The following NLRP5 variants were observed in gnomAD, a reference collection of about 807,000 sequenced individuals.
NLRP5 encodes the protein NLR family pyrin domain containing 5, also known as NACHT, LRR and PYD domains-containing protein 5.
A neutral mutation model predicts 113.1 loss-of-function variants in NLRP5; 93 were observed. The ratio of observed to expected loss-of-function variants is 0.82; its 90% CI spans 0.70 to 0.98. NLRP5 has a LOEUF of 0.98. Among genes scored for constraint, NLRP5 ranks in the 50% least tolerant of loss-of-function variants. NLRP5 has a pLI of 0.00. For synonymous variants in NLRP5, 751 were observed against 600.7 expected, an observed-to-expected ratio of 1.25 and a Z score of -3.66; for missense variants, 1,808 against 1,514.3, an observed-to-expected ratio of 1.19 and a Z score of -3.22.
At position 56,060,196 on chromosome 19, in the gene NLRP5, T is replaced by C. The variant is rs538261905; in HGVS notation, c.3471-1200T>C. On this transcript the variant is annotated intron_variant, in intron 14 of 14. Coordinates refer to ENST00000390649, the MANE Select transcript of NLRP5 (RefSeq NM_153447.4). ...TGACTATGGGACTTAGTAGTTGAAG[T>C]AGGATAGAAGTCAGACCTGGATTTA... is the stretch of plus-strand genomic sequence containing the variant. Among the ~76,000 whole-genome samples, 7 of 152,328 alleles carry C rather than the reference T, an allele frequency of 4.6e-5. No individual in the cohort carries two copies. The South Asian group carries it at 1.4e-3, about 32-fold the overall frequency.
At chr19:55,995,481 C>T (rs764028536), upstream of NLRP5, among the ~76,000 whole-genome samples, 1 of 152,194 alleles carries the variant, frequency 6.6e-6, no homozygotes, top group Non-Finnish European at 1.5e-5. Flanking sequence ...GTTTTCATGA[C>T]AGTGCCATGC....
At chr19:56,043,240 C>T (rs1466623487) in intron 11 of NLRP5, among the ~76,000 whole-genome samples, 1 of 152,102 alleles carries the variant, frequency 6.6e-6, no homozygotes, top group Non-Finnish European at 1.5e-5. Flanking sequence ...GGATGCGTTC[C>T]CTGATCACCA....
rs771877943 is a variant in NLRP5 at position 56,028,425 on chromosome 19, C to T, written c.2192C>T (p.Pro731Leu). Reference sequence around the variant, plus strand: ...TCTTCCTTCTGCCTCCAGCACTGTCCGTATTTGCGGAAAATTCGGGTGGAT... The same window carrying T: ...TCTTCCTTCTGCCTCCAGCACTGTCTGTATTTGCGGAAAATTCGGGTGGAT... Residue 731 changes from proline to leucine, a missense_variant, in exon 7 of 15, where the codon CCG becomes CTG. Physicochemically the swap from Pro to Leu is moderately conservative, Grantham distance 98. Coordinates refer to ENST00000390649, the MANE Select transcript of NLRP5 (RefSeq NM_153447.4). 16 of 1,613,758 alleles carry T rather than the reference C, an allele frequency of 9.9e-6. No homozygotes were observed. The highest frequency in any genetic ancestry group is 4.4e-5 in the South Asian group (4 of 91,082).
chr19:56,053,774 C>G lies in NLRP5; in HGVS notation c.3265C>G (p.Leu1089Val), dbSNP rs1435174055. Residue 1089 changes from leucine (L) to valine (V), a missense_variant, in exon 13 of 15, where the codon CTG becomes GTG. Physicochemically the swap from Leu to Val is conservative, Grantham distance 32. Coordinates refer to ENST00000390649, the MANE Select transcript of NLRP5 (RefSeq NM_153447.4). The stretch of plus-strand genomic sequence containing the variant: ...TGGGGTTGCTGCGCTGTGCGAGGGA[C>G]TGAAGCAAAAGAACAGTGTTCTGGC... The G allele has an allele frequency of 3.7e-6, 6 of 1,613,766 alleles. No homozygotes were observed. Among genetic ancestry groups the G allele is most frequent in the Non-Finnish European group, 5.1e-6 (6 of 1,179,862 alleles).
intron 6 of NLRP5, among the ~76,000 whole-genome samples, chr19:56,025,981 C>CG (rs527790579): frequency 6.6e-6 from 1 of 152,018 alleles, no homozygotes; most frequent in Non-Finnish European, 1.5e-5. Context: ...TTAGATTCTA[C>CG]GGGGGGAGAC....
intron 3 of NLRP5, among the ~76,000 whole-genome samples, chr19:56,013,321 T>C (rs1982272191): frequency 6.6e-6 from 1 of 152,078 alleles, no homozygotes; most frequent in Non-Finnish European, 1.5e-5. Context: ...GCCTCCTGAG[T>C]AGCTGGGACT....
chr19:56,019,190 G>C (rs921172016), intron 4 of NLRP5, 152 bp from the exon 5 acceptor site: 125 of 792,814 alleles, frequency 1.6e-4, no homozygotes, highest in Middle Eastern at 4.7e-4. Context: ...CATTGTACCA[G>C]TGCACTCTGT....
intron 6 of NLRP5, among the ~76,000 whole-genome samples, chr19:56,023,310 G>T (rs1982688549): frequency 6.6e-6 from 1 of 152,138 alleles, no homozygotes; most frequent in Admixed American, 6.6e-5. Flanking sequence ...CAACAGGTCG[G>T]TCTGAGCTCA....
At chr19:55,992,855 C>CT in the NLRP5 span, among the ~76,000 whole-genome samples, 37 of 150,082 alleles carry the variant, frequency 2.5e-4, no homozygotes, top group Admixed American at 5.3e-4. Flanking sequence ...TTTATGGAGA[C>CT]TTTTTTTTTT....
At position 56,028,238 on chromosome 19, in the gene NLRP5, GTC is replaced by G. The variant is rs775483680; in HGVS notation, c.2011_2012del (p.Leu671ValfsTer6). ...GGTGAAGCAGAAGCTTCTGCACTGGGTCTCTCTGTTGGGTCAGCAGCCTAATG... is the reference window on the plus strand; with the variant it reads ...GGTGAAGCAGAAGCTTCTGCACTGGGTCTCTGTTGGGTCAGCAGCCTAATG... On this transcript the variant is annotated frameshift_variant, in exon 7 of 15. Transcript: ENST00000390649. LOFTEE classifies it high-confidence loss of function. 2 of 1,613,858 alleles carry G rather than the reference GTC, an allele frequency of 1.2e-6. No homozygotes were observed. The highest frequency in any genetic ancestry group is 1.7e-6 in the Non-Finnish European group (2 of 1,179,894).
chr19:56,039,565 A>AAGT (rs1983442695), intron 10 of NLRP5, among the ~76,000 whole-genome samples: 1 of 152,134 alleles, frequency 6.6e-6, no homozygotes, highest in Non-Finnish European at 1.5e-5. Flanking sequence ...ACGGGAAAAC[A>AAGT]CCTATCACTC....
At chr19:56,039,686 C>T (rs567697585) in intron 10 of NLRP5, among the ~76,000 whole-genome samples, 3 of 152,020 alleles carry the variant, frequency 2.0e-5, no homozygotes, top group Non-Finnish European at 2.9e-5. Context: ...CCGAGGCGGG[C>T]GGATCACCTG....
At chr19:56,049,223 A>G (rs1983842451) in intron 11 of NLRP5, among the ~76,000 whole-genome samples, 1 of 150,966 alleles carries the variant, frequency 6.6e-6, no homozygotes, top group South Asian at 2.1e-4. Context: ...CTTGTTGCCC[A>G]TGCTGGAGTG....
chr19:56,035,599 T>A (rs1189685658), intron 9 of NLRP5, among the ~76,000 whole-genome samples: 1 of 152,226 alleles, frequency 6.6e-6, no homozygotes, highest in African/African-American at 2.4e-5. Context: ...TGAAGTCACT[T>A]AGGTCCAGTT....
At chr19:56,002,316 G>C (rs1981685169) in intron 1 of NLRP5, among the ~76,000 whole-genome samples, 1 of 152,100 alleles carries the variant, frequency 6.6e-6, no homozygotes, top group Non-Finnish European at 1.5e-5. Flanking sequence ...TGACTTTTAA[G>C]TATTCAGCAG....
At chr19:56,040,356 G>C (rs909010886) in intron 10 of NLRP5, among the ~76,000 whole-genome samples, 23 of 152,152 alleles carry the variant, frequency 1.5e-4, no homozygotes, top group African/African-American at 5.3e-4. Context: ...AGGAGTTGGA[G>C]GCCAGCTTCG....
chr19:55,998,692 A>ATATGTGTGTGTGTG (rs1555762413), upstream of NLRP5, among the ~76,000 whole-genome samples: 1 of 51,536 alleles, frequency 1.9e-5, no homozygotes, highest in African/African-American at 6.4e-5. Flanking sequence ...ATATATATAT[A>ATATGTGTGTGTGTG]TATATATATA....
At chr19:56,006,630 G>C (rs1427184010) in intron 2 of NLRP5, among the ~76,000 whole-genome samples, 1 of 152,064 alleles carries the variant, frequency 6.6e-6, no homozygotes, top group Non-Finnish European at 1.5e-5. Context: ...TACTTGGGAG[G>C]CTGAGGCAGG....
chr19:56,034,535 A>G (rs908072349), intron 9 of NLRP5, among the ~76,000 whole-genome samples: 4 of 152,240 alleles, frequency 2.6e-5, no homozygotes, highest in African/African-American at 9.6e-5. Flanking sequence ...TGTAACAGTC[A>G]CAGTAACCAA....
Sources: gnomAD v4.1 joint callset for allele counts (sites outside exome capture counted in the v4.1 genomes callset) on GRCh38, gnomAD v4.1.1 for gene constraint, MANE v1.5 for transcripts, NCBI Gene and HGNC (gene_info 2026-07-23, HGNC 2026-07-21) for gene names.